The following NKAIN1 variants were observed in gnomAD, a reference collection of about 807,000 sequenced individuals.
NKAIN1 encodes sodium/potassium transporting ATPase interacting 1.
NKAIN1 carries 13 observed loss-of-function variants against 31.6 expected under a neutral mutation model. The observed-to-expected ratio is 0.41, with a 90% CI of 0.27 to 0.65. The LOEUF is 0.65. NKAIN1 is among the 30% of genes least tolerant of loss of function. NKAIN1 has a pLI of 0.30. For synonymous variants in NKAIN1, 104 were observed against 109.0 expected (o/e 0.95, Z 0.28); for missense variants, 193 against 262.2 (o/e 0.74, Z 1.82).
chr1:31,202,999 G>A (rs1645395019), intron 1 of NKAIN1, among the ~76,000 whole-genome samples: 1 of 123,504 alleles, frequency 8.1e-6, no homozygotes, highest in South Asian at 2.5e-4. Context: ...AAAGGCCAGG[G>A]GCAGTGGCTC....
intron 1 of NKAIN1, among the ~76,000 whole-genome samples, chr1:31,215,035 A>G (rs1224057049): frequency 6.6e-6 from 1 of 152,170 alleles, no homozygotes; most frequent in Admixed American, 6.5e-5. Flanking sequence ...CCCGGAGGTC[A>G]TTTGTTCTGG....
At chr1:31,217,224 G>A (rs1176277744) in intron 1 of NKAIN1, among the ~76,000 whole-genome samples, 2 of 152,118 alleles carry the variant, frequency 1.3e-5, no homozygotes, top group Non-Finnish European at 2.9e-5. Flanking sequence ...GAGTGTGGCA[G>A]CACAGTCATA....
At chr1:31,222,518 G>T (rs1645571880) in intron 1 of NKAIN1, among the ~76,000 whole-genome samples, 1 of 152,202 alleles carries the variant, frequency 6.6e-6, no homozygotes, top group African/African-American at 2.4e-5. Flanking sequence ...ATCTGGGGGT[G>T]GTGACCCGTC....
intron 1 of NKAIN1, among the ~76,000 whole-genome samples, chr1:31,231,655 C>T (rs568937273): frequency 2.0e-5 from 3 of 151,978 alleles, no homozygotes; most frequent in Non-Finnish European, 2.9e-5. Flanking sequence ...CTCAGCCTCC[C>T]GAGTAGCTGG....
At chr1:31,196,697 AAAATAAAT>A (rs142670426) in intron 1 of NKAIN1, among the ~76,000 whole-genome samples, 15,869 of 145,090 alleles carry the variant, frequency 0.11, 2,534 homozygotes, top group African/African-American at 0.35. Context: ...TTCCATCTCA[AAAATAAAT>A]AAATAAATAA....
At chr1:31,195,892 C>A (rs1276525746) in intron 1 of NKAIN1, among the ~76,000 whole-genome samples, 310 of 118,010 alleles carry the variant, frequency 2.6e-3, no homozygotes, top group South Asian at 2.9e-3. Context: ...CTACCTGTCT[C>A]AAAAAAAAAA....
At chr1:31,199,883 CAG>C (rs1271956984) in intron 1 of NKAIN1, among the ~76,000 whole-genome samples, 5 of 152,084 alleles carry the variant, frequency 3.3e-5, no homozygotes, top group African/African-American at 9.7e-5. Flanking sequence ...CGTCTGGAGA[CAG>C]AGACCACTGT....
intron 1 of NKAIN1, among the ~76,000 whole-genome samples, chr1:31,201,768 G>T (rs966574473): frequency 6.6e-6 from 1 of 152,202 alleles, no homozygotes; most frequent in Non-Finnish European, 1.5e-5. Context: ...CCAAACCCTT[G>T]CTCTTTTCCA....
At chr1:31,197,748 T>A (rs1477599635) in intron 1 of NKAIN1, among the ~76,000 whole-genome samples, 2 of 151,772 alleles carry the variant, frequency 1.3e-5, no homozygotes, top group African/African-American at 4.8e-5. Flanking sequence ...GGTTTCACCA[T>A]GTTGGCCAGG....
chr1:31,211,603 C>CT (rs35958405), intron 1 of NKAIN1, among the ~76,000 whole-genome samples: 23,037 of 146,512 alleles, frequency 0.16, 3,192 homozygotes, highest in African/African-American at 0.36. Context: ...TTCCAACTAC[C>CT]TTTTTTTTTT....
chr1:31,209,761 G>A (rs1019549776), intron 1 of NKAIN1, among the ~76,000 whole-genome samples: 1 of 152,046 alleles, frequency 6.6e-6, no homozygotes, highest in African/African-American at 2.4e-5. Context: ...AGGTTGCAGT[G>A]AGCTGTGATC....
chr1:31,216,851 G>C (rs1056630813), intron 1 of NKAIN1, among the ~76,000 whole-genome samples: 1 of 151,794 alleles, frequency 6.6e-6, no homozygotes, highest in Non-Finnish European at 1.5e-5. Context: ...CTGCCACCAC[G>C]CCTAGCTAAT....
In NKAIN1 at chr1:31,209,581, A is replaced by C. The variant is rs368507637; in HGVS notation, c.55-21394T>G. 4.6e-5 allele frequency among the ~76,000 whole-genome samples: 7 copies of C among 152,202 alleles called. No homozygotes were observed. The East Asian group carries it at 9.7e-4, about 21-fold the overall frequency. On this transcript the variant is annotated intron_variant, in intron 1 of 6. Coordinates refer to ENST00000373736, the MANE Select transcript of NKAIN1 (RefSeq NM_024522.3). ...TGCCTGTAATCCCAATGTTTTAGGA[A>C]GCTGATGCAGCATTGCTTCAGCCCA... is the stretch of plus-strand genomic sequence containing the variant.
In NKAIN1 at chr1:31,233,377, T is replaced by C. The variant is rs974638956; in HGVS notation, c.54+6117A>G. Among the ~76,000 whole-genome samples, 3 of 152,214 alleles carry C rather than the reference T, an allele frequency of 2.0e-5. No individual in the cohort carries two copies. The highest frequency in any genetic ancestry group is 7.2e-5 in the African/African-American group (3 of 41,456). ...CCCTGTGGCTGAGGAAAGGTTTGGATTTCTCCACCTGCTTCCACTCCAGCG... is the reference window on the plus strand; with the variant it reads ...CCCTGTGGCTGAGGAAAGGTTTGGACTTCTCCACCTGCTTCCACTCCAGCG... On this transcript the variant is annotated intron_variant, in intron 1 of 6. Transcript: ENST00000373736. This position sits in a 1 kb window ranked among gnomAD's most constrained non-coding sequence, Gnocchi z 4.0.
chr1:31,209,261 G>T (rs1003158326), intron 1 of NKAIN1, among the ~76,000 whole-genome samples: 2 of 152,200 alleles, frequency 1.3e-5, no homozygotes, highest in African/African-American at 4.8e-5. Flanking sequence ...TGTAGTCCCA[G>T]CTACTTGGGA....
intron 1 of NKAIN1, among the ~76,000 whole-genome samples, chr1:31,221,786 T>C (rs911618472): frequency 1.3e-5 from 2 of 152,126 alleles, no homozygotes; most frequent in Admixed American, 6.6e-5. Flanking sequence ...ATGCTAAAGT[T>C]TGAGAAACAC....
At chr1:31,222,158 T>A (rs913746109) in intron 1 of NKAIN1, among the ~76,000 whole-genome samples, 2 of 152,220 alleles carry the variant, frequency 1.3e-5, no homozygotes, top group African/African-American at 4.8e-5. Context: ...ATTACAGGCG[T>A]GAGCCACTGT....
intron 1 of NKAIN1, among the ~76,000 whole-genome samples, chr1:31,237,824 C>T (rs113551781): frequency 6.6e-6 from 1 of 151,856 alleles, no homozygotes; most frequent in African/African-American, 2.4e-5. Flanking sequence ...TTTATCTGTC[C>T]TGTTTGATTA....
chr1:31,197,560 T>TTTTTTTC (rs60410213), intron 1 of NKAIN1, among the ~76,000 whole-genome samples: 7 of 143,702 alleles, frequency 4.9e-5, no homozygotes, highest in Non-Finnish European at 9.1e-5. Flanking sequence ...TTTTTTTTTT[T>TTTTTTTC]CCCTGAGATG....
Sources: allele counts gnomAD v4.1 joint callset (sites outside exome capture counted in the v4.1 genomes callset), GRCh38; gene constraint gnomAD v4.1.1; non-coding constraint Gnocchi (gnomAD v3.1); transcripts MANE v1.5; gene names NCBI Gene and HGNC (gene_info 2026-07-23, HGNC 2026-07-21).